PAN3: variants seen among roughly 807,000 people sequenced by gnomAD.
The protein encoded by PAN3 is PAN2-PAN3 deadenylation complex subunit PAN3.
A neutral mutation model predicts 96.2 loss-of-function variants in PAN3; 19 were observed. That is an observed-to-expected ratio of 0.20 (90% CI 0.14 to 0.29). The LOEUF (loss-of-function observed/expected upper bound fraction) is 0.29, where lower values mean the gene tolerates loss of function less well. Among genes scored for constraint, PAN3 ranks in the 10% least tolerant of loss-of-function variants. PAN3 has a pLI of 1.00. For missense variants in PAN3, 882 were observed against 1,108.1 expected (o/e 0.80, Z 2.90); for synonymous variants, 433 against 406.6 (o/e 1.06, Z -0.78).
intron 11 of PAN3, 39 bp downstream of exon 11, chr13:28,267,250 C>T (rs1210956881): frequency 1.9e-6 from 3 of 1,611,854 alleles, no homozygotes; most frequent in Non-Finnish European, 2.5e-6. Flanking sequence ...TGGTGAGCTT[C>T]ATTATTTGAA....
chr13:28,180,311 A>G (rs1875599566), intron 4 of PAN3, among the ~76,000 whole-genome samples: 1 of 152,208 alleles, frequency 6.6e-6, no homozygotes, highest in Non-Finnish European at 1.5e-5. Flanking sequence ...CTTGCCATTT[A>G]TATTTAAAAT....
intron 7 of PAN3, among the ~76,000 whole-genome samples, chr13:28,257,520 C>A (rs1885240491): frequency 6.6e-6 from 1 of 151,208 alleles, no homozygotes; most frequent in African/African-American, 2.4e-5. Context: ...AGTGAAGTTT[C>A]ATCCGTATTT....
chr13:28,174,713 G>A (rs1379503271), intron 2 of PAN3, among the ~76,000 whole-genome samples: 1 of 152,174 alleles, frequency 6.6e-6, no homozygotes, highest in Admixed American at 6.5e-5. Flanking sequence ...TTTTAAGCAG[G>A]TTATACATGT....
chr13:28,263,876 A>G (rs1235066494), intron 9 of PAN3, among the ~76,000 whole-genome samples: 2 of 152,194 alleles, frequency 1.3e-5, no homozygotes, highest in African/African-American at 4.8e-5. Flanking sequence ...GTTCTCTTTC[A>G]AATATCCATG....
intron 6 of PAN3, among the ~76,000 whole-genome samples, chr13:28,233,925 A>G (rs758849264): frequency 6.6e-6 from 1 of 152,224 alleles, no homozygotes; most frequent in Admixed American, 6.5e-5. Flanking sequence ...AAAGATGTGT[A>G]TCAGCATTTC....
rs183752799 is a variant in PAN3, at chr13:28,180,157, G to A, written c.690+2222G>A. 3.1e-3 allele frequency among the ~76,000 whole-genome samples: 472 copies of A among 152,214 alleles called. 13 individuals carry two copies. The highest frequency in any genetic ancestry group is 5.4e-4 in the Non-Finnish European group (37 of 68,010). The stretch of plus-strand genomic sequence containing the variant: ...AATCATCCCATCTGTGAAATGAAGA[G>A]CATGACCTCATCATTACCATAGTTG... On this transcript the variant is annotated intron_variant, in intron 4 of 18. Coordinates refer to ENST00000380958, the MANE Select transcript of PAN3 (RefSeq NM_175854.8).
At chr13:28,236,283 A>AT (rs1481019165) in intron 6 of PAN3, among the ~76,000 whole-genome samples, 1 of 152,214 alleles carries the variant, frequency 6.6e-6, no homozygotes, top group Non-Finnish European at 1.5e-5. Flanking sequence ...GAGCTTTCAT[A>AT]TATAGGTACA....
chr13:28,294,713 C>G lies in PAN3; in HGVS notation c.*2191C>G, dbSNP rs1176756131. ...ATCCTAAATGCTAGTTTGCTTCAGCCCCTAGTTAACCTCAGGACTTGGTTT... is the reference window on the plus strand; with the variant it reads ...ATCCTAAATGCTAGTTTGCTTCAGCGCCTAGTTAACCTCAGGACTTGGTTT... On this transcript the variant is annotated 3_prime_UTR_variant, in exon 19 of 19. Coordinates refer to ENST00000380958, the MANE Select transcript of PAN3 (RefSeq NM_175854.8). The G allele has an allele frequency of 6.6e-6, 1 of 152,636 alleles. No homozygotes were observed. Among genetic ancestry groups the G allele is most frequent in the Admixed American group, 6.5e-5 (1 of 15,296 alleles). 9.5% of individuals were successfully genotyped at this position (152,636 alleles called of 1,614,324 possible).
At chr13:28,232,612 A>G (rs1008153644) in intron 6 of PAN3, 3 of 151,912 alleles carry the variant, frequency 2.0e-5, no homozygotes, top group African/African-American at 7.2e-5. Context: ...ATTATAATAT[A>G]TTTTTAAAAA....
rs547493687 is a variant in PAN3, at chr13:28,193,792, T to A, written c.691-3393T>A. On this transcript the variant is annotated intron_variant, in intron 4 of 18. Coordinates refer to ENST00000380958, the MANE Select transcript of PAN3 (RefSeq NM_175854.8). The stretch of plus-strand genomic sequence containing the variant: ...AAAAACTAACCAAAGAGCAACAACC[T>A]TTTTTTTCAATGTTGTTTACTGTAC... Among the ~76,000 whole-genome samples the A allele has an allele frequency of 8.4e-5, 12 of 143,612 alleles. No homozygotes were observed. The East Asian group carries it at 2.2e-3, about 26-fold the overall frequency. 94.2% of individuals were successfully genotyped at this position (143,612 alleles called of 152,430 possible).
chr13:28,270,611 A>G (rs1339575948), intron 12 of PAN3, 90 bp from the exon 13 acceptor site: 6 of 1,340,052 alleles, frequency 4.5e-6, no homozygotes, highest in East Asian at 2.3e-5. Flanking sequence ...ATGAGTGTAC[A>G]TGAATTGTCT....
At chr13:28,143,877 T>C (rs1266998242) in intron 1 of PAN3, among the ~76,000 whole-genome samples, 1 of 152,224 alleles carries the variant, frequency 6.6e-6, no homozygotes, top group Non-Finnish European at 1.5e-5. Flanking sequence ...GTGTAGCGTG[T>C]GGCAAAGCTG....
At chr13:28,222,660 A>G (rs1049507827) in intron 6 of PAN3, among the ~76,000 whole-genome samples, 3 of 152,094 alleles carry the variant, frequency 2.0e-5, no homozygotes, top group African/African-American at 2.4e-5. Flanking sequence ...TTTCTTACCT[A>G]CAAATGTTGT....
At chr13:28,274,801 CTTA>C (rs1886928893) in intron 14 of PAN3, among the ~76,000 whole-genome samples, 1 of 151,658 alleles carries the variant, frequency 6.6e-6, no homozygotes, top group African/African-American at 2.4e-5. Flanking sequence ...TTTTATATTG[CTTA>C]TTATAGTAAG....
intron 4 of PAN3, among the ~76,000 whole-genome samples, chr13:28,183,449 T>C (rs1876061840): frequency 6.6e-6 from 1 of 152,176 alleles, no homozygotes; most frequent in Non-Finnish European, 1.5e-5. Context: ...CCTCCGCTTG[T>C]CAAGATGGAG....
intron 9 of PAN3, among the ~76,000 whole-genome samples, chr13:28,266,129 T>C (rs969257990): frequency 6.6e-6 from 1 of 152,074 alleles, no homozygotes; most frequent in Non-Finnish European, 1.5e-5. Context: ...TACAAAATAG[T>C]GTATAGAAAA....
intron 6 of PAN3, among the ~76,000 whole-genome samples, chr13:28,228,727 T>C (rs1171574710): frequency 2.0e-5 from 3 of 152,102 alleles, no homozygotes; most frequent in African/African-American, 7.2e-5. Context: ...TTAATTAGTA[T>C]TGGTGTAAAG....
chr13:28,211,463 A>G (rs952903082), intron 5 of PAN3, among the ~76,000 whole-genome samples: 1 of 152,180 alleles, frequency 6.6e-6, no homozygotes, highest in Non-Finnish European at 1.5e-5. Context: ...TGCGTGTGAC[A>G]TGATTTATCT....
At chr13:28,246,095 T>C (rs1566223491) in intron 6 of PAN3, among the ~76,000 whole-genome samples, 2 of 152,182 alleles carry the variant, frequency 1.3e-5, no homozygotes, top group Non-Finnish European at 2.9e-5. Context: ...GCCATCCTAG[T>C]GTGTATGAAA....
Sources: gnomAD v4.1 joint callset for allele counts (sites outside exome capture counted in the v4.1 genomes callset) on GRCh38, gnomAD v4.1.1 for gene constraint, MANE v1.5 for transcripts, NCBI Gene and HGNC (gene_info 2026-07-23, HGNC 2026-07-21) for gene names.